FZD10: variants seen among roughly 807,000 people sequenced by gnomAD.
FZD10 encodes the protein frizzled class receptor 10.
In FZD10, 14 loss-of-function variants were observed where a neutral mutation model predicts 24.4. The observed-to-expected ratio is 0.57, with a 90% CI of 0.38 to 0.90. The LOEUF (loss-of-function observed/expected upper bound fraction) is 0.90, where lower values mean the gene tolerates loss of function less well. Ranked by LOEUF, FZD10 falls within the 40% of genes least tolerant of loss-of-function variation. The pLI is 0.00. For synonymous variants in FZD10, 381 were observed against 349.1 expected, an observed-to-expected ratio of 1.09 and a Z score of -1.02; for missense variants, 775 against 816.6, an observed-to-expected ratio of 0.95 and a Z score of 0.62.
Position 130,163,915 on chromosome 12 carries a change from C to T in FZD10, c.973C>T (p.Leu325=), listed in dbSNP as rs755696632. The change falls in exon 1 of 1, where the codon CTG becomes TTG. Residue 325 remains leucine, a synonymous_variant. Coordinates refer to ENST00000229030, the MANE Select transcript of FZD10 (RefSeq NM_007197.4). ...VLYYFGMASS[L]WWVVLTLTWF... ...CTACTACTTCGGCATGGCCAGCTCGCTGTGGTGGGTGGTCCTCACGCTCAC... is the reference window on the plus strand; with the variant it reads ...CTACTACTTCGGCATGGCCAGCTCGTTGTGGTGGGTGGTCCTCACGCTCAC... The T allele has an allele frequency of 7.4e-6, 12 of 1,613,882 alleles. No homozygotes were observed. Among genetic ancestry groups the T allele is most frequent in the Admixed American group, 1.7e-5 (1 of 60,032 alleles).
Position 130,164,815 on chromosome 12 carries a change from T to C in FZD10, c.*127T>C, listed in dbSNP as rs1871780151. ...AGCAAAAGAGAAATACATAAAAAAG[T>C]GTTTACCCTGAAATTCAGGATGCTG... On this transcript the variant is annotated 3_prime_UTR_variant, in exon 1 of 1. Coordinates refer to ENST00000229030, the MANE Select transcript of FZD10 (RefSeq NM_007197.4). This position sits in a 1 kb window ranked among gnomAD's most constrained non-coding sequence, Gnocchi z 5.3. 3.0e-6 allele frequency: 2 copies of C among 673,276 alleles called. No individual in the cohort carries two copies. The highest frequency in any genetic ancestry group is 3.1e-5 in the Admixed American group (1 of 31,746). 41.7% of individuals were successfully genotyped at this position (673,276 alleles called of 1,614,324 possible). A position where few individuals can be genotyped will look rare whatever the true frequency, so the allele number is the denominator to read the frequency against.
At position 130,162,488 on chromosome 12, in the gene FZD10, C is replaced by T. The variant is rs868826729; in HGVS notation, c.-455C>T. ...TCTTCTCATCCCGGGACGCAAACCTCGAAACAGCTGCCGGCTGGTCCCGGC... is the reference window on the plus strand; with the variant it reads ...TCTTCTCATCCCGGGACGCAAACCTTGAAACAGCTGCCGGCTGGTCCCGGC... On this transcript the variant is annotated 5_prime_UTR_variant, in exon 1 of 1. Coordinates refer to ENST00000229030, the MANE Select transcript of FZD10 (RefSeq NM_007197.4). 1 of 151,796 alleles carries T rather than the reference C, an allele frequency of 6.6e-6. No homozygotes were observed. Among genetic ancestry groups the T allele is most frequent in the Admixed American group, 6.6e-5 (1 of 15,224 alleles). The allele number at this position is 151,796 out of a possible 1,614,324, so 9.4% of individuals were successfully genotyped here.
Position 130,163,615 on chromosome 12 carries a change from C to G in FZD10, c.673C>G (p.Arg225Gly), listed in dbSNP as rs1242113509. The change falls in exon 1 of 1, where the codon CGC becomes GGC. Residue 225 changes from arginine to glycine, a missense_variant. Transcript: ENST00000229030. ...CGTGTACTGGAGCCGCGAGGACAAG[C>G]GCTTCGCAGTGGTCTGGCTGGCCAT... ...VDVYWSREDKRFAVVWLAIWA... is the reference protein window; with the variant it reads ...VDVYWSREDKGFAVVWLAIWA... 4.3e-6 allele frequency: 7 copies of G among 1,612,646 alleles called. No individual in the cohort carries two copies. The highest frequency in any genetic ancestry group is 5.1e-6 in the Non-Finnish European group (6 of 1,179,842).
At position 130,164,186 on chromosome 12, in the gene FZD10, C is replaced by T. The variant is rs1462700212; in HGVS notation, c.1244C>T (p.Ser415Leu). Reference protein sequence around the residue: ...YLVIGTSFILSGFVALFHIRR... With the variant: ...YLVIGTSFILLGFVALFHIRR... ...GTCATCGGCACGTCCTTCATCCTCT[C>T]GGGCTTCGTGGCCCTGTTCCACATC... The change falls in exon 1 of 1, where the codon TCG becomes TTG. Residue 415 changes from serine to leucine, a missense_variant. By Grantham distance (145) the Ser-to-Leu change is moderately radical (BLOSUM62 -2). Transcript: ENST00000229030. This position sits in a 1 kb window ranked among gnomAD's most constrained non-coding sequence, Gnocchi z 5.3. 1 of 1,614,140 alleles carries T rather than the reference C, an allele frequency of 6.2e-7. No homozygotes were observed. Among genetic ancestry groups the T allele is most frequent in the Admixed American group, 1.7e-5 (1 of 60,036 alleles).
At position 130,163,817 on chromosome 12, in the gene FZD10, G is replaced by A; in HGVS notation, c.875G>A (p.Arg292Gln). 6.2e-7 allele frequency: 1 copy of A among 1,613,888 alleles called. No individual in the cohort carries two copies. The highest frequency in any genetic ancestry group is 8.5e-7 in the Non-Finnish European group (1 of 1,180,038). ...GGCGCCGAGAGCATCGCCTGCGACC[G>A]GGACAGCGGCCAGCTCTATGTCATC... Reference protein sequence around the residue: ...FAGAESIACDRDSGQLYVIQE... With the variant: ...FAGAESIACDQDSGQLYVIQE... Residue 292 changes from arginine to glutamine, a missense_variant, in exon 1 of 1, where the codon CGG becomes CAG. Transcript: ENST00000229030.
Position 130,163,230 on chromosome 12 carries a change from C to G in FZD10, c.288C>G (p.Thr96=), listed in dbSNP as rs1413198196. The part of the protein sequence containing the change: ...FLCSLYAPMC[T]EQVSTPIPAC... The stretch of plus-strand genomic sequence containing the variant: ...GCTCGCTGTACGCGCCGATGTGCAC[C>G]GAGCAGGTCTCTACCCCCATCCCCG... The change falls in exon 1 of 1, where the codon ACC becomes ACG. Residue 96 remains threonine (T), a synonymous_variant. Coordinates refer to ENST00000229030, the MANE Select transcript of FZD10 (RefSeq NM_007197.4). The G allele has an allele frequency of 1.2e-6, 2 of 1,612,896 alleles. No homozygotes were observed. The highest frequency in any genetic ancestry group is 1.7e-5 in the Admixed American group (1 of 60,010).
Position 130,164,496 on chromosome 12 carries a change from C to T in FZD10, c.1554C>T (p.Ser518=), listed in dbSNP as rs1323870668. The change falls in exon 1 of 1, where the codon AGC becomes AGT. Residue 518 remains serine (S), a synonymous_variant. Transcript: ENST00000229030. The surrounding 1 kb of genome is among the most constrained non-coding windows in gnomAD (Gnocchi z 5.3). ...IFMLLVVGIT[S]GMWIWTSKTL... ...TGCTGCTGGTGGTGGGGATCACCAGCGGGATGTGGATTTGGACCTCCAAGA... is the reference window on the plus strand; with the variant it reads ...TGCTGCTGGTGGTGGGGATCACCAGTGGGATGTGGATTTGGACCTCCAAGA... 6.2e-7 allele frequency: 1 copy of T among 1,613,334 alleles called. No homozygotes were observed. Among genetic ancestry groups the T allele is most frequent in the Non-Finnish European group, 8.5e-7 (1 of 1,179,958 alleles).
At position 130,164,428 on chromosome 12, in the gene FZD10, G is replaced by T. The variant is rs542798669; in HGVS notation, c.1486G>T (p.Ala496Ser). Residue 496 changes from alanine to serine, a missense_variant, in exon 1 of 1, where the codon GCC becomes TCC. Ala to Ser is a moderately conservative substitution (Grantham distance 99, BLOSUM62 1). Transcript: ENST00000229030. This position sits in a 1 kb window ranked among gnomAD's most constrained non-coding sequence, Gnocchi z 5.3. ...TAAAACGCTGGACTGCCTGATGGCC[G>T]CCTCCATCCCCGCCGTGGAGATCTT... is the stretch of plus-strand genomic sequence containing the variant. Reference protein sequence around the residue: ...QTKTLDCLMAASIPAVEIFMV... With the variant: ...QTKTLDCLMASSIPAVEIFMV... The T allele has an allele frequency of 3.1e-6, 5 of 1,613,814 alleles. No individual in the cohort carries two copies. The South Asian group carries it at 4.4e-5, about 14-fold the overall frequency.
In FZD10 at chr12:130,163,829, AG is replaced by A. The variant is rs771369260; in HGVS notation, c.888del (p.Gln296HisfsTer69). ...ESIACDRDSG[Q>X]LYVIQEGLES... ...ATCGCCTGCGACCGGGACAGCGGCC[AG>A]CTCTATGTCATCCAGGAGGGACTGG... On this transcript the variant is annotated frameshift_variant, in exon 1 of 1. Coordinates refer to ENST00000229030, the MANE Select transcript of FZD10 (RefSeq NM_007197.4). LOFTEE classifies it high-confidence loss of function. 1.2e-6 allele frequency: 2 copies of A among 1,613,886 alleles called. No individual in the cohort carries two copies. Among genetic ancestry groups the A allele is most frequent in the South Asian group, 2.2e-5 (2 of 91,068 alleles).
rs147367559 is a variant in FZD10, at chr12:130,163,680, G to A, written c.738G>A (p.Val246=). Residue 246 remains valine, a synonymous_variant, in exon 1 of 1, where the codon GTG becomes GTA. Coordinates refer to ENST00000229030, the MANE Select transcript of FZD10 (RefSeq NM_007197.4). ...GCTTCTTCTCCAGCGCCTTCACCGT[G>A]CTCACCTTCCTCATCGACCCGGCCC... ...VLCFFSSAFT[V]LTFLIDPARF... The A allele has an allele frequency of 7.2e-4, 1,166 of 1,613,556 alleles. 1 individual carries two copies. Among genetic ancestry groups the A allele is most frequent in the Non-Finnish European group, 9.4e-4 (1,112 of 1,180,040 alleles).
chr12:130,163,071 G>A lies in FZD10; in HGVS notation c.129G>A (p.Lys43=). 1 of 1,612,954 alleles carries A rather than the reference G, an allele frequency of 6.2e-7. No homozygotes were observed. Among genetic ancestry groups the A allele is most frequent in the Non-Finnish European group, 8.5e-7 (1 of 1,179,974 alleles). Residue 43 remains lysine (K), a synonymous_variant, in exon 1 of 1, where the codon AAG becomes AAA. Coordinates refer to ENST00000229030, the MANE Select transcript of FZD10 (RefSeq NM_007197.4). Reference sequence around the variant, plus strand: ...AGCCCATCGAGATCCCGATGTGCAAGGACATCGGCTACAACATGACTCGTA... The same window carrying A: ...AGCCCATCGAGATCCCGATGTGCAAAGACATCGGCTACAACATGACTCGTA... ...KCQPIEIPMC[K]DIGYNMTRMP... is the part of the protein sequence containing the mutation.
Position 130,164,123 on chromosome 12 carries a change from T to C in FZD10, c.1181T>C (p.Leu394Pro), listed in dbSNP as rs548968811. 6.2e-7 allele frequency: 1 copy of C among 1,613,732 alleles called. No individual in the cohort carries two copies. The highest frequency in any genetic ancestry group is 8.5e-7 in the Non-Finnish European group (1 of 1,179,992). ...GTGGGCAGCATGGACGTCAACGCGC[T>C]CACCGGCTTCGTGCTCATTCCCCTG... ...CYVGSMDVNA[L>P]TGFVLIPLAC... is the part of the protein sequence containing the mutation. The change falls in exon 1 of 1, where the codon CTC (leucine) becomes CCC (proline). Residue 394 changes from leucine (L) to proline (P), a missense_variant. Physicochemically the swap from Leu to Pro is moderately conservative, Grantham distance 98. Transcript: ENST00000229030. This position sits in a 1 kb window ranked among gnomAD's most constrained non-coding sequence, Gnocchi z 5.3.
In FZD10 at chr12:130,165,453, C is replaced by G. The variant is rs1272917601; in HGVS notation, c.*765C>G. The stretch of plus-strand genomic sequence containing the variant: ...CATTTTGTGGCTTTTTAATGGAAAC[C>G]AAGCCAATGTTATAGACGTTTGGAC... On this transcript the variant is annotated 3_prime_UTR_variant, in exon 1 of 1. Transcript: ENST00000229030. 1 of 166,938 alleles carries G rather than the reference C, an allele frequency of 6.0e-6. No individual in the cohort carries two copies. Among genetic ancestry groups the G allele is most frequent in the East Asian group, 1.9e-4 (1 of 5,204 alleles). The allele number at this position is 166,938 out of a possible 1,614,324, so 10.3% of individuals were successfully genotyped here.
At position 130,163,898 on chromosome 12, in the gene FZD10, T is replaced by G; in HGVS notation, c.956T>G (p.Phe319Cys). ...CTLVFLVLYY[F>C]GMASSLWWVV... is the part of the protein sequence containing the mutation. ...CTGGTCTTCCTGGTCCTCTACTACT[T>G]CGGCATGGCCAGCTCGCTGTGGTGG... The change falls in exon 1 of 1, where the codon TTC becomes TGC. Residue 319 changes from phenylalanine (F) to cysteine (C), a missense_variant. Phe to Cys is a radical substitution (Grantham distance 205). Transcript: ENST00000229030. 6.2e-7 allele frequency: 1 copy of G among 1,613,898 alleles called. No homozygotes were observed. Among genetic ancestry groups the G allele is most frequent in the Non-Finnish European group, 8.5e-7 (1 of 1,180,030 alleles).
chr12:130,163,115 A>C lies in FZD10; in HGVS notation c.173A>C (p.His58Pro), dbSNP rs752049652. Residue 58 changes from histidine to proline, a missense_variant, in exon 1 of 1, where the codon CAC (histidine) becomes CCC (proline). Coordinates refer to ENST00000229030, the MANE Select transcript of FZD10 (RefSeq NM_007197.4). ...ACTCGTATGCCCAACCTGATGGGCC[A>C]CGAGAACCAGCGCGAGGCAGCCATC... ...NMTRMPNLMG[H>P]ENQREAAIQL... 1 of 1,612,844 alleles carries C rather than the reference A, an allele frequency of 6.2e-7. No homozygotes were observed. The highest frequency in any genetic ancestry group is 1.1e-5 in the South Asian group (1 of 91,082).
chr12:130,163,659 C>T lies in FZD10; in HGVS notation c.717C>T (p.Phe239=). ...TGGCCATCTGGGCGGTGCTGTGCTT[C>T]TTCTCCAGCGCCTTCACCGTGCTCA... ...VWLAIWAVLC[F]FSSAFTVLTF... is the part of the protein sequence containing the mutation. The change falls in exon 1 of 1, where the codon TTC becomes TTT. Residue 239 remains phenylalanine (F), a synonymous_variant. Coordinates refer to ENST00000229030, the MANE Select transcript of FZD10 (RefSeq NM_007197.4). The T allele has an allele frequency of 6.2e-7, 1 of 1,613,336 alleles. No homozygotes were observed.
Position 130,164,351 on chromosome 12 carries a change from A to C in FZD10, c.1409A>C (p.Asp470Ala), listed in dbSNP as rs1484466169. Residue 470 changes from aspartate to alanine, a missense_variant, in exon 1 of 1, where the codon GAT (aspartate) becomes GCT (alanine). By Grantham distance (126) the Asp-to-Ala change is moderately radical. Transcript: ENST00000229030. This position sits in a 1 kb window ranked among gnomAD's most constrained non-coding sequence, Gnocchi z 5.3. ...TACTTTTACGAACGCCTCAACATGG[A>C]TTACTGGAAGATCCTGGCGGCGCAG... is the stretch of plus-strand genomic sequence containing the variant. Reference protein sequence around the residue: ...ACYFYERLNMDYWKILAAQHK... With the variant: ...ACYFYERLNMAYWKILAAQHK... The C allele has an allele frequency of 1.9e-6, 3 of 1,613,946 alleles. No homozygotes were observed. The highest frequency in any genetic ancestry group is 2.5e-6 in the Non-Finnish European group (3 of 1,180,020).
At position 130,163,664 on chromosome 12, in the gene FZD10, C is replaced by T. The variant is rs751383510; in HGVS notation, c.722C>T (p.Ser241Phe). The change falls in exon 1 of 1, where the codon TCC becomes TTC. Residue 241 changes from serine (S) to phenylalanine (F), a missense_variant. Transcript: ENST00000229030. ...ATCTGGGCGGTGCTGTGCTTCTTCT[C>T]CAGCGCCTTCACCGTGCTCACCTTC... ...LAIWAVLCFFSSAFTVLTFLI... is the reference protein window; with the variant it reads ...LAIWAVLCFFFSAFTVLTFLI... 6.2e-7 allele frequency: 1 copy of T among 1,613,426 alleles called. No homozygotes were observed. The highest frequency in any genetic ancestry group is 8.5e-7 in the Non-Finnish European group (1 of 1,180,022).
chr12:130,162,573 G>A lies in FZD10; in HGVS notation c.-370G>A, dbSNP rs1026299787. The A allele has an allele frequency of 6.4e-6, 1 of 155,410 alleles. No individual in the cohort carries two copies. The highest frequency in any genetic ancestry group is 2.4e-5 in the African/African-American group (1 of 41,492). The allele number at this position is 155,410 out of a possible 1,614,324, so 9.6% of individuals were successfully genotyped here. A position where few individuals can be genotyped will look rare whatever the true frequency, so the allele number is the denominator to read the frequency against. On this transcript the variant is annotated 5_prime_UTR_variant, in exon 1 of 1. Coordinates refer to ENST00000229030, the MANE Select transcript of FZD10 (RefSeq NM_007197.4). ...CTGTGGGGGCGCCGCGAGCTGGGCC[G>A]GCCTCGGTGTGCCCGCGCCGCCAGC...
Sources: gnomAD v4.1 joint callset for allele counts on GRCh38, gnomAD v4.1.1 for gene constraint, Gnocchi (gnomAD v3.1) non-coding constraint, MANE v1.5 for transcripts, NCBI Gene and HGNC (gene_info 2026-07-23, HGNC 2026-07-21) for gene names.